CCNY: variants seen among roughly 807,000 people sequenced by gnomAD.
The protein encoded by CCNY is cyclin-Y.
CCNY carries 19 observed loss-of-function variants against 42.8 expected under a neutral mutation model. The ratio of observed to expected loss-of-function variants is 0.44; its 90% CI spans 0.31 to 0.65. The LOEUF is 0.65. CCNY is among the 30% of genes least tolerant of loss of function. The probability of loss-of-function intolerance (pLI) is 0.07; values close to 1 mark genes in which losing one functional copy is unlikely to be tolerated. For missense variants in CCNY, 370 were observed against 437.3 expected (o/e 0.85, Z 1.37); for synonymous variants, 165 against 162.7 (o/e 1.01, Z -0.11).
upstream of CCNY, among the ~76,000 whole-genome samples, chr10:35,334,666 C>T (rs2135108205): frequency 6.6e-6 from 1 of 152,330 alleles, no homozygotes; most frequent in South Asian, 2.1e-4. Context: ...CACTTATTTT[C>T]CATGGACATC....
chr10:35,473,886 G>A (rs141173447), intron 1 of CCNY, among the ~76,000 whole-genome samples: 7,993 of 152,188 alleles, frequency 0.053, 612 homozygotes, highest in African/African-American at 0.17. Flanking sequence ...CTGAGGTACC[G>A]GGTTCATCTC....
chr10:35,343,839 A>G (rs1208918930), intron 1 of CCNY, among the ~76,000 whole-genome samples: 1 of 152,208 alleles, frequency 6.6e-6, no homozygotes, highest in Non-Finnish European at 1.5e-5. Context: ...AGGGTCAGAG[A>G]TTTAGCTCCA....
chr10:35,394,591 G>A lies in CCNY; in HGVS notation c.154+57384G>A, dbSNP rs547323657. ...AAGGCATTGTTTGGACCGGTCAGAG[G>A]TGCAGGGTGGCACTTCATGGCTTTC... On this transcript the variant is annotated intron_variant, in intron 1 of 9. Transcript: ENST00000374704. Among the ~76,000 whole-genome samples, 212 of 152,346 alleles carry A rather than the reference G, an allele frequency of 1.4e-3. 1 individual carries two copies. The highest frequency in any genetic ancestry group is 2.5e-3 in the Non-Finnish European group (173 of 68,032).
chr10:35,537,850 A>G (rs939335860), intron 7 of CCNY, among the ~76,000 whole-genome samples: 8 of 152,100 alleles, frequency 5.3e-5, no homozygotes, highest in Non-Finnish European at 1.2e-4. Flanking sequence ...ATGAGGGACT[A>G]TTAGGGAGGC....
intron 3 of CCNY, among the ~76,000 whole-genome samples, chr10:35,319,458 A>G (rs1212039464): frequency 1.3e-5 from 2 of 152,206 alleles, no homozygotes; most frequent in African/African-American, 4.8e-5. Flanking sequence ...AATGAAATAG[A>G]TATCACCACA....
chr10:35,285,261 C>T (rs1439153152), intron 3 of CCNY, among the ~76,000 whole-genome samples: 1 of 152,094 alleles, frequency 6.6e-6, no homozygotes, highest in Non-Finnish European at 1.5e-5. Flanking sequence ...TCTTGAAACT[C>T]CTGACCTCAA....
At chr10:35,393,178 C>A (rs1837451811) in intron 1 of CCNY, among the ~76,000 whole-genome samples, 2 of 152,192 alleles carry the variant, frequency 1.3e-5, no homozygotes, top group Admixed American at 1.3e-4. Flanking sequence ...TCTTCCTCAC[C>A]ATTTTAATAA....
At chr10:35,491,834 C>T (rs535141891) in intron 2 of CCNY, among the ~76,000 whole-genome samples, 2 of 140,852 alleles carry the variant, frequency 1.4e-5, no homozygotes, top group Admixed American at 7.2e-5. Flanking sequence ...AGGATGGTCT[C>T]GATCTCCTGA....
intron 1 of CCNY, among the ~76,000 whole-genome samples, chr10:35,422,089 AT>A (rs1016572542): frequency 5.3e-5 from 8 of 151,844 alleles, no homozygotes; most frequent in African/African-American, 7.3e-5. Context: ...TTTTTAAAAC[AT>A]TTTTTTGACT....
intron 1 of CCNY, among the ~76,000 whole-genome samples, chr10:35,346,048 T>C (rs1836295151): frequency 6.6e-6 from 1 of 152,310 alleles, no homozygotes; most frequent in Non-Finnish European, 1.5e-5. Context: ...CAGGGCTTGC[T>C]TGCTTGCTTA....
chr10:35,525,954 A>G lies in CCNY; in HGVS notation c.366-10A>G, dbSNP rs1355330665. ...CATGGACACTGAACCTCTGCATTCTATTTTTACAGTGTCGCTCTTGCAATA... is the reference window on the plus strand; with the variant it reads ...CATGGACACTGAACCTCTGCATTCTGTTTTTACAGTGTCGCTCTTGCAATA... On this transcript the variant is annotated splice_polypyrimidine_tract_variant and intron_variant, in intron 4 of 9. Coordinates refer to ENST00000374704, the MANE Select transcript of CCNY (RefSeq NM_145012.6). The G allele has an allele frequency of 3.1e-6, 5 of 1,611,570 alleles. No homozygotes were observed. The highest frequency in any genetic ancestry group is 1.7e-4 in the Middle Eastern group (1 of 6,050).
At chr10:35,334,201 C>T (rs865868907), upstream of CCNY, among the ~76,000 whole-genome samples, 1 of 152,172 alleles carries the variant, frequency 6.6e-6, no homozygotes, top group South Asian at 2.1e-4. Context: ...GCCAGCCATG[C>T]TGTCACCTTA....
intron 3 of CCNY, among the ~76,000 whole-genome samples, chr10:35,299,673 CAG>C (rs1290175104): frequency 6.6e-6 from 1 of 152,068 alleles, no homozygotes; most frequent in Non-Finnish European, 1.5e-5. Flanking sequence ...TTGTAGACAC[CAG>C]AGAGTCAGAC....
intron 3 of CCNY, among the ~76,000 whole-genome samples, chr10:35,320,132 G>C (rs1474179611): frequency 1.3e-5 from 2 of 152,020 alleles, no homozygotes; most frequent in Non-Finnish European, 2.9e-5. Context: ...GACTTCTCTA[G>C]TCATTGTCTG....
chr10:35,256,568 C>T (rs995370744), intron 3 of CCNY, among the ~76,000 whole-genome samples: 2 of 151,792 alleles, frequency 1.3e-5, no homozygotes, highest in East Asian at 3.9e-4. Context: ...CCCATCTCTA[C>T]TAAAAATACA....
intron 1 of CCNY, among the ~76,000 whole-genome samples, chr10:35,483,059 C>G (rs936745760): frequency 6.6e-6 from 1 of 152,006 alleles, no homozygotes; most frequent in African/African-American, 2.4e-5. Context: ...TGTAATGTTT[C>G]GATGAATCTG....
At chr10:35,524,750 T>G (rs1322047749) in intron 4 of CCNY, among the ~76,000 whole-genome samples, 1 of 152,186 alleles carries the variant, frequency 6.6e-6, no homozygotes, top group Non-Finnish European at 1.5e-5. Context: ...CTGATAGGAG[T>G]TTAAAGAAAC....
chr10:35,332,468 G>C (rs1172553263), upstream of CCNY: 1 of 152,166 alleles, frequency 6.6e-6, no homozygotes, highest in African/African-American at 2.4e-5. Context: ...TTTATCAGTA[G>C]ATCTATAAAT....
At chr10:35,328,203 T>C (rs1439527644) in intron 3 of CCNY, among the ~76,000 whole-genome samples, 1 of 152,180 alleles carries the variant, frequency 6.6e-6, no homozygotes, top group African/African-American at 2.4e-5. Flanking sequence ...GGCCTCTGCA[T>C]CCTCAGGGCA....
Sources: gnomAD v4.1 joint callset for allele counts (sites outside exome capture counted in the v4.1 genomes callset) on GRCh38, gnomAD v4.1.1 for gene constraint, MANE v1.5 for transcripts, NCBI Gene and HGNC (gene_info 2026-07-23, HGNC 2026-07-21) for gene names.